PCDHA3: variants seen among roughly 807,000 people sequenced by gnomAD.
PCDHA3 encodes the protein protocadherin alpha 3, also known as protocadherin alpha-3.
Under a neutral mutation model 62.2 loss-of-function variants are expected in PCDHA3, and 41 were observed. The ratio of observed to expected loss-of-function variants is 0.66; its 90% CI spans 0.51 to 0.86. PCDHA3 has a LOEUF of 0.86. Among genes scored for constraint, PCDHA3 ranks in the 40% least tolerant of loss-of-function variants. The probability of loss-of-function intolerance (pLI) is 0.00; values close to 1 mark genes in which losing one functional copy is unlikely to be tolerated. For synonymous variants in PCDHA3, 640 were observed against 555.4 expected, an observed-to-expected ratio of 1.15 and a Z score of -2.14; for missense variants, 1,304 against 1,241.2, an observed-to-expected ratio of 1.05 and a Z score of -0.76.
chr5:140,894,113 G>C (rs1239376474), intron 1 of PCDHA3, among the ~76,000 whole-genome samples: 1 of 152,072 alleles, frequency 6.6e-6, no homozygotes, highest in Non-Finnish European at 1.5e-5. Context: ...TTGCAGATGA[G>C]AAGTTTCAAA....
intron 1 of PCDHA3, among the ~76,000 whole-genome samples, chr5:140,901,849 A>AT (rs1167488433): frequency 2.0e-5 from 3 of 151,932 alleles, no homozygotes; most frequent in Non-Finnish European, 4.4e-5. Context: ...ATATCTTTCC[A>AT]TTTTTTTGTG....
At position 140,835,847 on chromosome 5, in the gene PCDHA3, G is replaced by C. The variant is rs140727991; in HGVS notation, c.2394+32256G>C. 590 of 1,612,226 alleles carry C rather than the reference G, an allele frequency of 3.7e-4. 11 individuals are homozygous for C. The highest frequency in any genetic ancestry group is 6.3e-4 in the Admixed American group (38 of 59,986). On this transcript the variant is annotated intron_variant, in intron 1 of 3. Coordinates refer to ENST00000522353, the MANE Select transcript of PCDHA3 (RefSeq NM_018906.3). ...GGGACGCGGACGCGCAGAAGAACGC[G>C]CTGGTGTCCTACTCGCTGGTGGAGC...
At chr5:140,925,787 C>T (rs972978659) in intron 1 of PCDHA3, among the ~76,000 whole-genome samples, 2 of 152,040 alleles carry the variant, frequency 1.3e-5, no homozygotes, top group Admixed American at 6.6e-5. Context: ...TAATGAGTAT[C>T]TCAGTACTTT....
chr5:140,856,495 T>G lies in PCDHA3; in HGVS notation c.2394+52904T>G, dbSNP rs1554148773. 5.0e-6 allele frequency: 8 copies of G among 1,598,330 alleles called. 1 individual carries two copies. Among genetic ancestry groups the G allele is most frequent in the African/African-American group, 2.7e-5 (2 of 74,276 alleles). ...TACCTGAATCCAGACTGCTTGACTC[T>G]CGATTTCCACTAGAAGGCGCATCTG... On this transcript the variant is annotated intron_variant, in intron 1 of 3. Transcript: ENST00000522353.
chr5:140,887,788 G>A (rs1384145646), intron 1 of PCDHA3, among the ~76,000 whole-genome samples: 4 of 152,006 alleles, frequency 2.6e-5, no homozygotes, highest in Admixed American at 6.6e-5. Flanking sequence ...TCATTGAAGC[G>A]TTCTTTATTT....
chr5:140,993,462 TCACACA>T (rs3836747), intron 3 of PCDHA3, among the ~76,000 whole-genome samples: 28,176 of 140,902 alleles, frequency 0.2, 2,920 homozygotes, highest in East Asian at 0.31. Flanking sequence ...TCTTTCTTTC[TCACACA>T]CACACACACA....
chr5:140,884,312 G>T, intron 1 of PCDHA3: 1 of 1,613,768 alleles, frequency 6.2e-7, no homozygotes, highest in Non-Finnish European at 8.5e-7. Flanking sequence ...TTCGTCGAGG[G>T]CGTCGGCAGG....
At chr5:140,966,360 A>T (rs1169207709) in intron 1 of PCDHA3, 1 of 400,440 alleles carries the variant, frequency 2.5e-6, no homozygotes, top group Non-Finnish European at 4.4e-6. Flanking sequence ...ATGGGGCTGG[A>T]GAGGCTGAGC....
chr5:140,981,042 C>A (rs782145088), intron 2 of PCDHA3, among the ~76,000 whole-genome samples: 22 of 151,970 alleles, frequency 1.4e-4, no homozygotes, highest in Non-Finnish European at 2.9e-4. Flanking sequence ...GGAAAAAAAA[C>A]AGATAATTCT....
chr5:140,823,006 G>T (rs2150121207), intron 1 of PCDHA3: 8 of 1,614,228 alleles, frequency 5.0e-6, no homozygotes, highest in Non-Finnish European at 6.8e-6. Flanking sequence ...GCTGGACAGC[G>T]CCCTGGACCG....
In PCDHA3 at chr5:140,876,987, G is replaced by C. The variant is rs782251799; in HGVS notation, c.2394+73396G>C. 11 of 1,612,658 alleles carry C rather than the reference G, an allele frequency of 6.8e-6. No homozygotes were observed. The South Asian group carries it at 9.9e-5, about 14-fold the overall frequency. ...GGCGGGTGGGCGAGCACGCACTGTC[G>C]AGCTACGTGTCGGTGCACGCGGAGA... On this transcript the variant is annotated intron_variant, in intron 1 of 3. Coordinates refer to ENST00000522353, the MANE Select transcript of PCDHA3 (RefSeq NM_018906.3).
intron 1 of PCDHA3, chr5:140,927,485 C>T: frequency 6.2e-7 from 1 of 1,614,098 alleles, no homozygotes; most frequent in Non-Finnish European, 8.5e-7. Context: ...CAGCGCGCCA[C>T]CCACCTGCTG....
chr5:140,959,300 C>T (rs887685405), intron 1 of PCDHA3, among the ~76,000 whole-genome samples: 11 of 151,854 alleles, frequency 7.2e-5, no homozygotes, highest in African/African-American at 2.7e-4. Flanking sequence ...TCACTGAGCC[C>T]GGTGGTTGAA....
chr5:140,838,732 T>G (rs2150291924), intron 1 of PCDHA3, among the ~76,000 whole-genome samples: 1 of 152,114 alleles, frequency 6.6e-6, no homozygotes, highest in African/African-American at 2.4e-5. Context: ...GTCTAGTAGT[T>G]TGAGACCAGC....
At chr5:140,868,949 G>A (rs2050751465) in intron 1 of PCDHA3, 1 of 1,302,330 alleles carries the variant, frequency 7.7e-7, no homozygotes, top group Non-Finnish European at 1.0e-6. Context: ...GAACAGTGAG[G>A]CACTCCCATA....
At chr5:140,980,849 C>A (rs2096908252) in intron 2 of PCDHA3, among the ~76,000 whole-genome samples, 1 of 152,068 alleles carries the variant, frequency 6.6e-6, no homozygotes, top group Admixed American at 6.6e-5. Context: ...TAATACTAAT[C>A]TTTTTCGTAT....
chr5:140,962,757 T>C (rs1554226219), intron 1 of PCDHA3, among the ~76,000 whole-genome samples: 1 of 152,240 alleles, frequency 6.6e-6, no homozygotes, highest in Non-Finnish European at 1.5e-5. Context: ...GGAATCCTAT[T>C]CGTTTTTAAC....
At chr5:140,856,660 T>A in intron 1 of PCDHA3, 1 of 1,597,974 alleles carries the variant, frequency 6.3e-7, no homozygotes, top group South Asian at 1.1e-5. Flanking sequence ...GTGAAGAAAA[T>A]CCTCAGCTAA....
intron 1 of PCDHA3, chr5:140,927,274 G>T: frequency 6.2e-7 from 1 of 1,614,100 alleles, no homozygotes; most frequent in Non-Finnish European, 8.5e-7. Context: ...TCCTGCCGGC[G>T]ACGTGCAGCT....
Sources: allele counts gnomAD v4.1 joint callset (sites outside exome capture counted in the v4.1 genomes callset), GRCh38; gene constraint gnomAD v4.1.1; transcripts MANE v1.5; gene names NCBI Gene and HGNC (gene_info 2026-07-23, HGNC 2026-07-21).